The following ZNF641 variants were observed in gnomAD, a reference collection of about 807,000 sequenced individuals.
ZNF641 encodes zinc finger protein 641.
In ZNF641, 26 loss-of-function variants were observed where a neutral mutation model predicts 46.2. That is an observed-to-expected ratio of 0.56 (90% CI 0.41 to 0.78). ZNF641 has a LOEUF of 0.78. Ranked by LOEUF, ZNF641 falls within the 30% of genes least tolerant of loss-of-function variation. The pLI is 0.00. For synonymous variants in ZNF641, 163 were observed against 187.9 expected (o/e 0.87, Z 1.09); for missense variants, 469 against 517.8 (o/e 0.91, Z 0.91).
In ZNF641 at chr12:48,341,815, C is replaced by T. The variant is rs956770759; in HGVS notation, c.*1158G>A. 1.0e-6 allele frequency: 1 copy of T among 985,356 alleles called. No individual in the cohort carries two copies. The highest frequency in any genetic ancestry group is 1.2e-6 in the Non-Finnish European group (1 of 829,932). The allele number at this position is 985,356 out of a possible 1,614,324, so 61.0% of individuals were successfully genotyped here. ...CAATCTGCAGCCCAGAGATTCAAACCTAGACATACACATCCACAATTGTCT... is the reference window on the plus strand; with the variant it reads ...CAATCTGCAGCCCAGAGATTCAAACTTAGACATACACATCCACAATTGTCT... On this transcript the variant is annotated 3_prime_UTR_variant, in exon 6 of 6. Transcript: ENST00000547026.
chr12:48,336,379 T>C (rs1043099781), downstream of ZNF641, among the ~76,000 whole-genome samples: 1 of 151,640 alleles, frequency 6.6e-6, no homozygotes. Flanking sequence ...GAAGCGAGAG[T>C]GAACACAAGA....
chr12:48,350,437 A>G, intron 1 of ZNF641: 1 of 263,674 alleles, frequency 3.8e-6, no homozygotes, highest in Non-Finnish European at 7.5e-6. Flanking sequence ...GTCAGATTTC[A>G]GAGAATCCGA....
intron 5 of ZNF641, 31 bp downstream of exon 5, chr12:48,344,568 A>G (rs527741116): frequency 7.2e-7 from 1 of 1,385,220 alleles, no homozygotes; most frequent in South Asian, 1.2e-5. Context: ...ACTGTGAAGG[A>G]AGTGGCTGAA....
intron 1 of ZNF641, among the ~76,000 whole-genome samples, chr12:48,348,787 G>A (rs1034980177): frequency 6.6e-6 from 1 of 152,198 alleles, no homozygotes; most frequent in African/African-American, 2.4e-5. Flanking sequence ...AGAGGTAAGA[G>A]AAATTGTTGG....
chr12:48,347,179 T>G (rs1390656631), intron 3 of ZNF641, 73 bp downstream of exon 3: 1 of 1,610,796 alleles, frequency 6.2e-7, no homozygotes, highest in East Asian at 2.2e-5. Context: ...AACTCATCAA[T>G]GGGCTGATGC....
Position 48,347,208 on chromosome 12 carries a change from G to A in ZNF641, c.276+44C>T, listed in dbSNP as rs748424608. On this transcript the variant is annotated intron_variant, in intron 3 of 5. Coordinates refer to ENST00000547026, the MANE Select transcript of ZNF641 (RefSeq NM_001172681.2). ...CTGATGCGAAAGCAATACAAAGGCA[G>A]CAGTGATGGGACCACAGGAGACGCC... The A allele has an allele frequency of 2.5e-6, 4 of 1,613,536 alleles. No individual in the cohort carries two copies. The Admixed American group carries it at 6.7e-5, about 27-fold the overall frequency.
intron 5 of ZNF641, 160 bp downstream of exon 5, chr12:48,344,439 T>C (rs1051191834): frequency 1.0e-5 from 5 of 493,834 alleles, no homozygotes; most frequent in African/African-American, 9.8e-5. Flanking sequence ...ACAAAGTGCC[T>C]GCTACATCAT....
chr12:48,342,498 A>G lies in ZNF641; in HGVS notation c.*475T>C, dbSNP rs1952742484. On this transcript the variant is annotated 3_prime_UTR_variant, in exon 6 of 6. Coordinates refer to ENST00000547026, the MANE Select transcript of ZNF641 (RefSeq NM_001172681.2). ...AAGGATACTGAGGTCAAATACATTTAGGAAACACTGCCTTAATAGAACCTT... is the reference window on the plus strand; with the variant it reads ...AAGGATACTGAGGTCAAATACATTTGGGAAACACTGCCTTAATAGAACCTT... 3.3e-6 allele frequency: 3 copies of G among 909,224 alleles called. No individual in the cohort carries two copies. The highest frequency in any genetic ancestry group is 1.1e-4 in the Admixed American group (2 of 17,920). The allele number at this position is 909,224 out of a possible 1,614,324, so 56.3% of individuals were successfully genotyped here. A position where few individuals can be genotyped will look rare whatever the true frequency, so the allele number is the denominator to read the frequency against.
In ZNF641 at chr12:48,342,870, C is replaced by T. The variant is rs1174385056; in HGVS notation, c.*103G>A. On this transcript the variant is annotated 3_prime_UTR_variant, in exon 6 of 6. Coordinates refer to ENST00000547026, the MANE Select transcript of ZNF641 (RefSeq NM_001172681.2). ...CATCTTTCTAGGGATGGGGTCAGGGCTTATGATTCTGGCCACTGGGGTTCA... is the reference window on the plus strand; with the variant it reads ...CATCTTTCTAGGGATGGGGTCAGGGTTTATGATTCTGGCCACTGGGGTTCA... 2.0e-6 allele frequency: 3 copies of T among 1,492,900 alleles called. No individual in the cohort carries two copies. The highest frequency in any genetic ancestry group is 2.4e-5 in the Admixed American group (1 of 42,248). The allele number at this position is 1,492,900 out of a possible 1,614,324, so 92.5% of individuals were successfully genotyped here. A position where few individuals can be genotyped will look rare whatever the true frequency, so the allele number is the denominator to read the frequency against.
At chr12:48,346,560 T>C (rs1952877984) in intron 3 of ZNF641, among the ~76,000 whole-genome samples, 1 of 152,212 alleles carries the variant, frequency 6.6e-6, no homozygotes, top group African/African-American at 2.4e-5. Context: ...TTCTTTTCCA[T>C]AAATGCTCCC....
At chr12:48,345,528 A>G in intron 3 of ZNF641, 54 bp from the exon 4 acceptor site, 1 of 1,610,270 alleles carries the variant, frequency 6.2e-7, no homozygotes, top group Non-Finnish European at 8.5e-7. Context: ...GGAAAATGTG[A>G]TTCAGTATGA....
Position 48,347,321 on chromosome 12 carries a change from A to C in ZNF641, c.207T>G (p.Pro69=). The change falls in exon 3 of 6, where the codon CCT becomes CCG. Residue 69 remains proline (P), a synonymous_variant. Transcript: ENST00000547026. ...CAGTGTTCCCCTCCTGGGGAATTGC[A>C]GGAACCCAGGGAGCAGACTGAGCTG... The part of the protein sequence containing the change: ...QEKAQSAPWV[P]AIPQEGNTGD... 1 of 1,613,082 alleles carries C rather than the reference A, an allele frequency of 6.2e-7. No individual in the cohort carries two copies. Among genetic ancestry groups the C allele is most frequent in the Non-Finnish European group, 8.5e-7 (1 of 1,179,320 alleles).
chr12:48,336,369 G>GA (rs1952604545), downstream of ZNF641, among the ~76,000 whole-genome samples: 1 of 152,182 alleles, frequency 6.6e-6, no homozygotes, highest in African/African-American at 2.4e-5. Context: ...TGGCTGAGGG[G>GA]AAGCGAGAGT....
intron 3 of ZNF641, 129 bp from the exon 4 acceptor site, chr12:48,345,603 C>T: frequency 9.0e-7 from 1 of 1,116,732 alleles, no homozygotes; most frequent in Non-Finnish European, 1.3e-6. Flanking sequence ...CCAGAAGTCC[C>T]TGGGTAGGGC....
chr12:48,347,837 TAAC>T lies in ZNF641; in HGVS notation c.184+67_184+69del. 4 of 1,489,400 alleles carry T rather than the reference TAAC, an allele frequency of 2.7e-6. No homozygotes were observed. In the Admixed American group the frequency reaches 7.2e-5, roughly 27 times the overall value. The allele number at this position is 1,489,400 out of a possible 1,614,324, so 92.3% of individuals were successfully genotyped here. On this transcript the variant is annotated intron_variant, in intron 2 of 5. Coordinates refer to ENST00000547026, the MANE Select transcript of ZNF641 (RefSeq NM_001172681.2). ...TAGTCCATGGCAATTTGGAGATTTT[TAAC>T]CCTACTTTTGGAATAAATATTAGGA...
At chr12:48,350,040 G>A (rs1436153373) in intron 1 of ZNF641, 2 of 1,614,068 alleles carry the variant, frequency 1.2e-6, no homozygotes, top group East Asian at 2.2e-5. Context: ...AGGATGGGAT[G>A]GGTACCTGTC....
At chr12:48,345,625 G>C in intron 3 of ZNF641, 151 bp from the exon 4 acceptor site, 1 of 873,602 alleles carries the variant, frequency 1.1e-6, no homozygotes, top group South Asian at 1.7e-5. Flanking sequence ...CATAGTTTTG[G>C]TAACAGGGAA....
rs1340570892 is a variant in ZNF641 at position 48,343,394 on chromosome 12, T to C, written c.854A>G (p.Lys285Arg). The change falls in exon 6 of 6, where the codon AAG (lysine) becomes AGG (arginine). Residue 285 changes from lysine (K) to arginine (R), a missense_variant. By Grantham distance (26) the Lys-to-Arg change is conservative. Transcript: ENST00000547026. ...GAGGTGATGTCTTCGCCCAAAGGTCTTCTCACACTTGAGGCAGCTGTAGGG... is the reference window on the plus strand; with the variant it reads ...GAGGTGATGTCTTCGCCCAAAGGTCCTCTCACACTTGAGGCAGCTGTAGGG... Reference protein sequence around the residue: ...ERPYSCLKCEKTFGRRHHLIR... With the variant: ...ERPYSCLKCERTFGRRHHLIR... The C allele has an allele frequency of 6.2e-7, 1 of 1,614,084 alleles. No individual in the cohort carries two copies. The highest frequency in any genetic ancestry group is 1.3e-5 in the African/African-American group (1 of 74,920).
In ZNF641 at chr12:48,340,909, G is replaced by A; in HGVS notation, c.*2064C>T. 3 of 985,430 alleles carry A rather than the reference G, an allele frequency of 3.0e-6. No individual in the cohort carries two copies. Among genetic ancestry groups the A allele is most frequent in the Non-Finnish European group, 2.4e-6 (2 of 829,934 alleles). The allele number at this position is 985,430 out of a possible 1,614,324, so 61.0% of individuals were successfully genotyped here. ...CTAATACTGATCCTAAAATGCTCCT[G>A]TTTCTGAGAAGCTAGGGCAAGACCT... On this transcript the variant is annotated 3_prime_UTR_variant, in exon 6 of 6. Transcript: ENST00000547026.
Sources: allele counts gnomAD v4.1 joint callset (sites outside exome capture counted in the v4.1 genomes callset), GRCh38; gene constraint gnomAD v4.1.1; transcripts MANE v1.5; gene names NCBI Gene and HGNC (gene_info 2026-07-23, HGNC 2026-07-21).